Variants in ALDH3A2 observed in about 807,000 individuals in gnomAD.
ALDH3A2 encodes aldehyde dehydrogenase family 3 member A2.
In ALDH3A2, 36 loss-of-function variants were observed where a neutral mutation model predicts 51.3. That is an observed-to-expected ratio of 0.70 (90% CI 0.54 to 0.93). ALDH3A2 has a LOEUF of 0.93. ALDH3A2 is among the 40% of genes least tolerant of loss of function. The probability of loss-of-function intolerance (pLI) is 0.00; values close to 1 mark genes in which losing one functional copy is unlikely to be tolerated. For synonymous variants in ALDH3A2, 199 were observed against 219.8 expected (o/e 0.91, Z 0.84); for missense variants, 552 against 603.1 (o/e 0.92, Z 0.89).
In ALDH3A2 at chr17:19,661,237, T is replaced by G. The variant is rs755458255; in HGVS notation, c.909T>G (p.Gly303=). The change falls in exon 6 of 10, where the codon GGT becomes GGG. Residue 303 remains glycine, a synonymous_variant. Transcript: ENST00000176643. ...TTGAAGGACAAAAGATAGCTTTTGGTGGGGAGACTGATGAGGCCACACGCT... is the reference window on the plus strand; with the variant it reads ...TTGAAGGACAAAAGATAGCTTTTGGGGGGGAGACTGATGAGGCCACACGCT... The part of the protein sequence containing the change: ...SLLEGQKIAF[G]GETDEATRYI... 7.4e-6 allele frequency: 12 copies of G among 1,614,026 alleles called. No individual in the cohort carries two copies. Among genetic ancestry groups the G allele is most frequent in the Non-Finnish European group, 1.0e-5 (12 of 1,180,018 alleles).
At chr17:19,664,827 C>A in intron 7 of ALDH3A2, 121 bp from the exon 8 acceptor site, 2 of 735,244 alleles carry the variant, frequency 2.7e-6, no homozygotes, top group Non-Finnish European at 4.8e-6. Flanking sequence ...TTCACTGACA[C>A]AAAGCCAGAA....
At position 19,652,609 on chromosome 17, in the gene ALDH3A2, C is replaced by A; in HGVS notation, c.448C>A (p.Leu150Ile). ...AAATACAGCCAAGATCTTGGCAAAG[C>A]TTCTCCCTCAGTATTTAGACCAGGT... ...SENTAKILAK[L>I]LPQYLDQDLY... The change falls in exon 3 of 10, where the codon CTT becomes ATT. Residue 150 changes from leucine (L) to isoleucine (I), a missense_variant. Physicochemically the swap from Leu to Ile is conservative, Grantham distance 5 (BLOSUM62 2). Coordinates refer to ENST00000176643, the MANE Select transcript of ALDH3A2 (RefSeq NM_000382.3). 6 of 1,613,648 alleles carry A rather than the reference C, an allele frequency of 3.7e-6. No homozygotes were observed. Among genetic ancestry groups the A allele is most frequent in the Non-Finnish European group, 5.1e-6 (6 of 1,179,632 alleles).
At chr17:19,673,401 C>T (rs1597575220) in intron 9 of ALDH3A2, 4 of 1,195,804 alleles carry the variant, frequency 3.3e-6, no homozygotes, top group East Asian at 5.2e-5. Context: ...TTTTTTGCTA[C>T]AGTTGGAGGC....
chr17:19,657,967 C>A, intron 5 of ALDH3A2, 105 bp downstream of exon 5: 1 of 897,696 alleles, frequency 1.1e-6, no homozygotes, highest in Non-Finnish European at 1.8e-6. Context: ...AGGAAAATTT[C>A]AAAATCATAT....
At chr17:19,669,471 A>T (rs952279267) in intron 8 of ALDH3A2, among the ~76,000 whole-genome samples, 2 of 152,068 alleles carry the variant, frequency 1.3e-5, no homozygotes, top group Non-Finnish European at 2.9e-5. Flanking sequence ...CGTTTGGGTC[A>T]TTCTTAGGGT....
chr17:19,650,599 G>A (rs1328982099), intron 1 of ALDH3A2, among the ~76,000 whole-genome samples: 3 of 151,898 alleles, frequency 2.0e-5, no homozygotes, highest in Admixed American at 6.6e-5. Flanking sequence ...GACTACAGGC[G>A]CCCGCCACCG....
In ALDH3A2 at chr17:19,675,114, C is replaced by T. The variant is rs77873347; in HGVS notation, c.1444-444C>T. On this transcript the variant is annotated intron_variant, in intron 9 of 9. Transcript: ENST00000176643. The stretch of plus-strand genomic sequence containing the variant: ...ATATGACATTTGAACCTTGAGATTG[C>T]AGCAGCCCTTCCTCAGTCTTCAATA... 9.4e-3 allele frequency: 1,515 copies of T among 161,464 alleles called. 16 individuals carry two copies. The highest frequency in any genetic ancestry group is 0.019 in the Middle Eastern group (6 of 324). 10.0% of individuals were successfully genotyped at this position (161,464 alleles called of 1,614,324 possible).
At position 19,649,152 on chromosome 17, in the gene ALDH3A2, G is replaced by A. The variant is rs2084779645; in HGVS notation, c.153+28G>A. 1.9e-6 allele frequency: 3 copies of A among 1,545,904 alleles called. No individual in the cohort carries two copies. In the Admixed American group the frequency reaches 5.8e-5, roughly 30 times the overall value. On this transcript the variant is annotated intron_variant, in intron 1 of 9. Coordinates refer to ENST00000176643, the MANE Select transcript of ALDH3A2 (RefSeq NM_000382.3). ...ACGCACGCGTGCGGCGGGGTGTGGG[G>A]AAACTGGCCCCCGCCGCGCACTTGT...
chr17:19,671,327 G>A (rs562995317), intron 8 of ALDH3A2, among the ~76,000 whole-genome samples: 1 of 152,332 alleles, frequency 6.6e-6, no homozygotes, highest in Non-Finnish European at 1.5e-5. Context: ...CTTAGCAGCC[G>A]TGTGACCCTG....
At chr17:19,661,458 T>G (rs760105634) in intron 6 of ALDH3A2, 190 bp downstream of exon 6, 9 of 662,646 alleles carry the variant, frequency 1.4e-5, no homozygotes, top group Non-Finnish European at 2.0e-5. Flanking sequence ...TTCTGTGTAT[T>G]GAATGATGCC....
intron 3 of ALDH3A2, 193 bp downstream of exon 3, chr17:19,652,825 T>C (rs1567597819): frequency 1.7e-6 from 1 of 604,594 alleles, no homozygotes; most frequent in Middle Eastern, 4.4e-4. Flanking sequence ...CACCCAGCTC[T>C]TGGGGTTACA....
rs2085072073 is a variant in ALDH3A2, at chr17:19,668,685, G to A, written c.1208-3036G>A. Among the ~76,000 whole-genome samples, 3 of 135,568 alleles carry A rather than the reference G, an allele frequency of 2.2e-5. 1 individual carries two copies. Among genetic ancestry groups the A allele is most frequent in the African/African-American group, 7.8e-5 (3 of 38,348 alleles). The allele number at this position is 135,568 out of a possible 152,430, so 88.9% of individuals were successfully genotyped here. A position where few individuals can be genotyped will look rare whatever the true frequency, so the allele number is the denominator to read the frequency against. On this transcript the variant is annotated intron_variant, in intron 8 of 9. Transcript: ENST00000176643. ...CACACCTGTAATCCCAGCACTTGGG[G>A]AGGCCAAGGCACCTGGCTAACATGG... is the stretch of plus-strand genomic sequence containing the variant.
chr17:19,648,751 A>C lies in ALDH3A2; in HGVS notation c.-221A>C, dbSNP rs2084768834. 1 of 624,730 alleles carries C rather than the reference A, an allele frequency of 1.6e-6. No individual in the cohort carries two copies. 38.7% of individuals were successfully genotyped at this position (624,730 alleles called of 1,614,324 possible). Reference sequence around the variant, plus strand: ...AGGGGTGAGGCTTTGGGTCGAGCTCAGTCCTCCCCCGGCGCCTCCGACTGG... The same window carrying C: ...AGGGGTGAGGCTTTGGGTCGAGCTCCGTCCTCCCCCGGCGCCTCCGACTGG... On this transcript the variant is annotated 5_prime_UTR_variant, in exon 1 of 10. Coordinates refer to ENST00000176643, the MANE Select transcript of ALDH3A2 (RefSeq NM_000382.3).
At chr17:19,666,104 G>A (rs1168820781) in intron 8 of ALDH3A2, among the ~76,000 whole-genome samples, 1 of 152,060 alleles carries the variant, frequency 6.6e-6, no homozygotes, top group African/African-American at 2.4e-5. Context: ...AATTGGAAAT[G>A]GTGGTGGCTT....
intron 9 of ALDH3A2, chr17:19,673,379 T>TA (rs1223982318): frequency 2.2e-6 from 3 of 1,387,226 alleles, no homozygotes; most frequent in Non-Finnish European, 2.8e-6. Flanking sequence ...TTTTTGTTTT[T>TA]ATTTTTGTTT....
chr17:19,659,929 ATGAGGTGCTAGGGTCT>A (rs2084946219), intron 5 of ALDH3A2, among the ~76,000 whole-genome samples: 1 of 151,740 alleles, frequency 6.6e-6, no homozygotes, highest in Non-Finnish European at 1.5e-5. Context: ...AACTTGGGGG[ATGAGGTGCTAGGGTCT>A]TGACATGGAA....
chr17:19,649,243 A>G (rs2084781332), intron 1 of ALDH3A2, 119 bp downstream of exon 1: 3 of 1,365,908 alleles, frequency 2.2e-6, no homozygotes, highest in South Asian at 2.8e-5. Context: ...CACTGGGAGT[A>G]TGATCTCCAG....
chr17:19,658,492 A>G (rs2084925978), intron 5 of ALDH3A2, among the ~76,000 whole-genome samples: 2 of 151,794 alleles, frequency 1.3e-5, no homozygotes, highest in South Asian at 2.1e-4. Flanking sequence ...TGGGGGGCCT[A>G]GGGGGGCAGA....
rs1259906885 is a variant in ALDH3A2 at position 19,671,561 on chromosome 17, T to C, written c.1208-160T>C. On this transcript the variant is annotated intron_variant, in intron 8 of 9. Coordinates refer to ENST00000176643, the MANE Select transcript of ALDH3A2 (RefSeq NM_000382.3). Reference sequence around the variant, plus strand: ...GGGAAATTGACTTTTCCAGGGAAGTTGGTAAGGACTTCCTGAAAAGAGATA... The same window carrying C: ...GGGAAATTGACTTTTCCAGGGAAGTCGGTAAGGACTTCCTGAAAAGAGATA... 2.6e-5 allele frequency among the ~76,000 whole-genome samples: 4 copies of C among 152,190 alleles called. No homozygotes were observed. In the East Asian group the frequency reaches 7.7e-4, roughly 29 times the overall value.
Sources: gnomAD v4.1 joint callset for allele counts (sites outside exome capture counted in the v4.1 genomes callset) on GRCh38, gnomAD v4.1.1 for gene constraint, MANE v1.5 for transcripts, NCBI Gene and HGNC (gene_info 2026-07-23, HGNC 2026-07-21) for gene names.